The following SNX17 variants were observed in gnomAD, a reference collection of about 807,000 sequenced individuals.
SNX17 encodes the protein sorting nexin 17.
Under a neutral mutation model 64.3 loss-of-function variants are expected in SNX17, and 35 were observed. The ratio of observed to expected loss-of-function variants is 0.54; its 90% confidence interval spans 0.42 to 0.72. The LOEUF (loss-of-function observed/expected upper bound fraction) is 0.72. Ranked by LOEUF, SNX17 falls within the 30% of genes least tolerant of loss-of-function variation. The pLI is 0.00. For synonymous variants in SNX17, 259 were observed against 230.2 expected, an observed-to-expected ratio of 1.13 and a Z score of -1.13; for missense variants, 538 against 610.0, an observed-to-expected ratio of 0.88 and a Z score of 1.24.
intron 3 of SNX17, 93 bp downstream of exon 3, chr2:27,372,833 T>C: frequency 6.6e-7 from 1 of 1,511,026 alleles, no homozygotes; most frequent in Non-Finnish European, 9.1e-7. Context: ...TGATTTAATT[T>C]CTAGATCTAG....
At chr2:27,374,251 AC>A in intron 6 of SNX17, 76 bp downstream of exon 6, 1 of 759,128 alleles carries the variant, frequency 1.3e-6, no homozygotes, top group Non-Finnish European at 2.0e-6. Context: ...CCCCACCCCC[AC>A]CCCCAGAATG....
rs1683232803 is a variant in SNX17 at position 27,376,406 on chromosome 2, T to A, written c.1257+19T>A. Reference sequence around the variant, plus strand: ...ACTGCTTGTAAGTATTACCTCCTGGTCAGAACCCTGGCTCTCAGCCCTGCC... The same window carrying A: ...ACTGCTTGTAAGTATTACCTCCTGGACAGAACCCTGGCTCTCAGCCCTGCC... On this transcript the variant is annotated intron_variant, in intron 13 of 14. Transcript: ENST00000233575. The A allele has an allele frequency of 6.2e-7, 1 of 1,613,936 alleles. No homozygotes were observed. The highest frequency in any genetic ancestry group is 8.5e-7 in the Non-Finnish European group (1 of 1,180,018).
Position 27,375,440 on chromosome 2 carries a change from G to C in SNX17, c.775-66G>C. Reference sequence around the variant, plus strand: ...GGCATGAGCCACCGCGCCCGACCGGGGTTGCTTTTTCTGAGCTGCCCCATT... The same window carrying C: ...GGCATGAGCCACCGCGCCCGACCGGCGTTGCTTTTTCTGAGCTGCCCCATT... On this transcript the variant is annotated intron_variant, in intron 9 of 14. Transcript: ENST00000233575. The surrounding 1 kb of genome is among the most constrained non-coding windows in gnomAD (Gnocchi z 4.1). 6.4e-7 allele frequency: 1 copy of C among 1,574,710 alleles called. No homozygotes were observed. The highest frequency in any genetic ancestry group is 8.7e-7 in the Non-Finnish European group (1 of 1,147,614).
rs1300175880 is a variant in SNX17, at chr2:27,375,533, C to G, written c.802C>G (p.His268Asp). ...CCTGAGACTGGCCCAGACGCTGCGG[C>G]ACTATGGCTACTTGCGCTTTGATGC... Reference protein sequence around the residue: ...EFLRLAQTLRHYGYLRFDACV... With the variant: ...EFLRLAQTLRDYGYLRFDACV... Residue 268 changes from histidine to aspartate, a missense_variant, in exon 10 of 15, where the codon CAC (histidine) becomes GAC (aspartate). Transcript: ENST00000233575. This position sits in a 1 kb window ranked among gnomAD's most constrained non-coding sequence, Gnocchi z 4.1. The G allele has an allele frequency of 6.2e-7, 1 of 1,614,162 alleles. No homozygotes were observed. Among genetic ancestry groups the G allele is most frequent in the African/African-American group, 1.3e-5 (1 of 75,058 alleles).
rs780775476 is a variant in SNX17 at position 27,375,086 on chromosome 2, G to A, written c.707G>A (p.Trp236Ter). 1 of 1,613,972 alleles carries A rather than the reference G, an allele frequency of 6.2e-7. No homozygotes were observed. The highest frequency in any genetic ancestry group is 8.5e-7 in the Non-Finnish European group (1 of 1,180,032). Reference protein sequence around the residue: ...AQTVSDIERGWILVTKEQHRQ... With the variant: ...AQTVSDIERG Reference sequence around the variant, plus strand: ...ACGGTATCAGATATTGAGCGTGGGTGGATCTTGGTCACCAAGGAACAGCAC... The same window carrying A: ...ACGGTATCAGATATTGAGCGTGGGTAGATCTTGGTCACCAAGGAACAGCAC... Residue 236 changes from tryptophan (W) to a stop codon, truncating the protein, a stop_gained, in exon 9 of 15, where the codon TGG becomes TAG. Transcript: ENST00000233575. LOFTEE classifies it high-confidence loss of function. This position sits in a 1 kb window ranked among gnomAD's most constrained non-coding sequence, Gnocchi z 4.1.
At position 27,375,438 on chromosome 2, in the gene SNX17, G is replaced by A. The variant is rs541901195; in HGVS notation, c.775-68G>A. The A allele has an allele frequency of 3.1e-5, 48 of 1,568,114 alleles. 1 individual carries two copies. The highest frequency in any genetic ancestry group is 5.4e-5 in the African/African-American group (4 of 74,122). The stretch of plus-strand genomic sequence containing the variant: ...TAGGCATGAGCCACCGCGCCCGACC[G>A]GGGTTGCTTTTTCTGAGCTGCCCCA... On this transcript the variant is annotated intron_variant, in intron 9 of 14. Coordinates refer to ENST00000233575, the MANE Select transcript of SNX17 (RefSeq NM_014748.4). This position sits in a 1 kb window ranked among gnomAD's most constrained non-coding sequence, Gnocchi z 4.1.
chr2:27,373,158 A>T, intron 3 of SNX17, 89 bp from the exon 4 acceptor site: 1 of 1,608,400 alleles, frequency 6.2e-7, no homozygotes, highest in Non-Finnish European at 8.5e-7. Flanking sequence ...CAGCCCAGGA[A>T]ATGGGGTCGG....
rs751199615 is a variant in SNX17, at chr2:27,376,320, G to A, written c.1190G>A (p.Arg397His). 6.2e-6 allele frequency: 10 copies of A among 1,611,646 alleles called. No homozygotes were observed. The highest frequency in any genetic ancestry group is 4.4e-5 in the South Asian group (4 of 90,930). Residue 397 changes from arginine (R) to histidine (H), a missense_variant, in exon 13 of 15, where the codon CGC becomes CAC. Around this residue, in one of 3 missense-constraint regions of SNX17, gnomAD observed 505 missense variants for 550.4 expected, o/e 0.92. Transcript: ENST00000233575. ...CCTTGTGTCTGTCCCCAGATGCTGCGCCGGCGGGTGGGGGGTACTCTGAGA... is the reference window on the plus strand; with the variant it reads ...CCTTGTGTCTGTCCCCAGATGCTGCACCGGCGGGTGGGGGGTACTCTGAGA... ...KSGGSIRKML[R>H]RRVGGTLRRS...
rs751341667 is a variant in SNX17 at position 27,375,645 on chromosome 2, G to T, written c.914G>T (p.Gly305Val). The T allele has an allele frequency of 3.7e-6, 6 of 1,614,208 alleles. No homozygotes were observed. In the Middle Eastern group the frequency reaches 4.9e-4, roughly 133 times the overall value. The change falls in exon 10 of 15, where the codon GGC becomes GTC. Residue 305 changes from glycine (G) to valine (V), a missense_variant. By Grantham distance (109) the Gly-to-Val change is moderately radical (BLOSUM62 -3). This residue lies in a region of SNX17 where 505 missense variants were observed against 550.4 expected (regional missense o/e 0.92). Transcript: ENST00000233575. This position sits in a 1 kb window ranked among gnomAD's most constrained non-coding sequence, Gnocchi z 4.1. ...CTCAGCCTGCAGCTCCGCCTGCCTG[G>T]CCAGCAACTCCGAGAAGGCTCCTTC... ...SELSLQLRLP[G>V]QQLREGSFRV... is the part of the protein sequence containing the mutation.
intron 8 of SNX17, 60 bp downstream of exon 8, chr2:27,374,818 C>T (rs564883688): frequency 2.4e-5 from 36 of 1,481,510 alleles, no homozygotes; most frequent in Middle Eastern, 1.7e-4. Flanking sequence ...GACTCACTCT[C>T]CCAAGAAAAC....
chr2:27,374,061 C>T (rs1185377902), intron 5 of SNX17, 24 bp from the exon 6 acceptor site: 2 of 1,611,742 alleles, frequency 1.2e-6, no homozygotes, highest in Admixed American at 1.7e-5. Context: ...GTATGATGAG[C>T]TGTACTTCTA....
At position 27,376,937 on chromosome 2, in the gene SNX17, G is replaced by A. The variant is rs1683310588; in HGVS notation, c.*218G>A. 2 of 574,154 alleles carry A rather than the reference G, an allele frequency of 3.5e-6. No individual in the cohort carries two copies. The highest frequency in any genetic ancestry group is 5.8e-5 in the East Asian group (2 of 34,236). The allele number at this position is 574,154 out of a possible 1,614,324, so 35.6% of individuals were successfully genotyped here. On this transcript the variant is annotated 3_prime_UTR_variant, in exon 15 of 15. Transcript: ENST00000233575. The stretch of plus-strand genomic sequence containing the variant: ...TCTCTTTTCAGAGCTGGCCCTCGAT[G>A]CCAAATTAGCATTTAGTATTTTGCA...
chr2:27,373,167 G>A lies in SNX17; in HGVS notation c.257-80G>A, dbSNP rs1034128161. The stretch of plus-strand genomic sequence containing the variant: ...CACCATCAGCCCAGGAAATGGGGTC[G>A]GGGGAACCTACTGAGAGGAGGACTG... On this transcript the variant is annotated intron_variant, in intron 3 of 14. Transcript: ENST00000233575. 176 of 1,608,316 alleles carry A rather than the reference G, an allele frequency of 1.1e-4. No individual in the cohort carries two copies. The highest frequency in any genetic ancestry group is 1.4e-4 in the Non-Finnish European group (165 of 1,175,970).
At position 27,377,106 on chromosome 2, in the gene SNX17, A is replaced by G; in HGVS notation, c.*387A>G. On this transcript the variant is annotated 3_prime_UTR_variant, in exon 15 of 15. Transcript: ENST00000233575. This position sits in a 1 kb window ranked among gnomAD's most constrained non-coding sequence, Gnocchi z 4.4. ...TGGTCTGGCCCAGTTCCCCATCATTAAACTCAGCCTGACTGCTGCCTACCT... is the reference window on the plus strand; with the variant it reads ...TGGTCTGGCCCAGTTCCCCATCATTGAACTCAGCCTGACTGCTGCCTACCT... 1 of 404,526 alleles carries G rather than the reference A, an allele frequency of 2.5e-6. No homozygotes were observed. The highest frequency in any genetic ancestry group is 4.6e-6 in the Non-Finnish European group (1 of 215,596). 25.1% of individuals were successfully genotyped at this position (404,526 alleles called of 1,614,324 possible).
At chr2:27,373,537 A>G (rs1682852556) in intron 4 of SNX17, 1 of 546,592 alleles carries the variant, frequency 1.8e-6, no homozygotes, top group South Asian at 2.1e-5. Context: ...TCATTTTTGT[A>G]TTTTTAGTGG....
Position 27,375,122 on chromosome 2 carries a change from A to C in SNX17, c.743A>C (p.Lys248Thr). 5 of 1,614,074 alleles carry C rather than the reference A, an allele frequency of 3.1e-6. No individual in the cohort carries two copies. Among genetic ancestry groups the C allele is most frequent in the Non-Finnish European group, 3.4e-6 (4 of 1,180,004 alleles). Residue 248 changes from lysine to threonine, a missense_variant, in exon 9 of 15, where the codon AAA becomes ACA. This residue lies in a region of SNX17 where 505 missense variants were observed against 550.4 expected (regional missense o/e 0.92). Coordinates refer to ENST00000233575, the MANE Select transcript of SNX17 (RefSeq NM_014748.4). This position sits in a 1 kb window ranked among gnomAD's most constrained non-coding sequence, Gnocchi z 4.1. ...ACCAAGGAACAGCACCGGCAACTCA[A>C]ATCTCTGCAAGAGAAAGTCTCCAAG... ...LVTKEQHRQL[K>T]SLQEKVSKKE...
Position 27,377,279 on chromosome 2 carries a change from TAAAC to T in SNX17, c.*562_*565del, listed in dbSNP as rs1409073370. ...TTATAAAGCACTGAAATAAGTTAAA[TAAAC>T]AGGTGGGAGGCTGGGCAGTCCCCCA... On this transcript the variant is annotated 3_prime_UTR_variant, in exon 15 of 15. Transcript: ENST00000233575. This position sits in a 1 kb window ranked among gnomAD's most constrained non-coding sequence, Gnocchi z 4.4. 8.1e-6 allele frequency: 5 copies of T among 618,302 alleles called. No individual in the cohort carries two copies. Among genetic ancestry groups the T allele is most frequent in the Non-Finnish European group, 5.8e-6 (2 of 346,096 alleles). 38.3% of individuals were successfully genotyped at this position (618,302 alleles called of 1,614,324 possible).
Position 27,375,395 on chromosome 2 carries a change from CCTAAAGTG to C in SNX17, c.775-108_775-101del. ...CCTTGTGATCTGTCTGCCTCTGCCT[CCTAAAGTG>C]CTGGGATTATAGGCATGAGCCACCG... On this transcript the variant is annotated intron_variant, in intron 9 of 14. Transcript: ENST00000233575. This position sits in a 1 kb window ranked among gnomAD's most constrained non-coding sequence, Gnocchi z 4.1. 1.7e-6 allele frequency: 2 copies of C among 1,144,786 alleles called. No homozygotes were observed. The highest frequency in any genetic ancestry group is 2.6e-6 in the Non-Finnish European group (2 of 783,148). The allele number at this position is 1,144,786 out of a possible 1,614,324, so 70.9% of individuals were successfully genotyped here.
In SNX17 at chr2:27,373,857, A is replaced by C. The variant is rs1343207159; in HGVS notation, c.322-4A>C. On this transcript the variant is annotated splice_polypyrimidine_tract_variant and splice_region_variant and intron_variant, in intron 4 of 14. Transcript: ENST00000233575. ...CTTCCCATCCCCATGTGTGCTCACA[A>C]CAGGAGACACAGCAGGTCCCCACAG... 53 of 1,610,300 alleles carry C rather than the reference A, an allele frequency of 3.3e-5. No homozygotes were observed. Among genetic ancestry groups the C allele is most frequent in the Non-Finnish European group, 4.4e-5 (52 of 1,177,740 alleles).
Sources: gnomAD v4.1 joint callset for allele counts on GRCh38, gnomAD v4.1.1 for gene constraint, gnomAD v4.1.1 regional missense constraint, Gnocchi (gnomAD v3.1) non-coding constraint, MANE v1.5 for transcripts, NCBI Gene and HGNC (gene_info 2026-07-23, HGNC 2026-07-21) for gene names.